Variants in GABRG3 observed in about 807,000 individuals in gnomAD.
The protein encoded by GABRG3 is gamma-aminobutyric acid receptor subunit gamma-3.
GABRG3 carries 25 observed loss-of-function variants against 48.8 expected under a neutral mutation model. That is an observed-to-expected ratio of 0.51 (90% CI 0.37 to 0.72). The LOEUF (loss-of-function observed/expected upper bound fraction) is 0.72, where lower values mean the gene tolerates loss of function less well. Ranked by LOEUF, GABRG3 falls within the 30% of genes least tolerant of loss-of-function variation. The pLI is 0.00. For synonymous variants in GABRG3, 227 were observed against 217.6 expected (o/e 1.04, Z -0.38); for missense variants, 394 against 577.9 (o/e 0.68, Z 3.26).
At chr15:27,513,442 T>G (rs1426569913) in intron 6 of GABRG3, among the ~76,000 whole-genome samples, 1 of 147,346 alleles carries the variant, frequency 6.8e-6, no homozygotes, top group Non-Finnish European at 1.5e-5. Flanking sequence ...AGAGTAAGAC[T>G]CCGTCTCAAA....
chr15:27,072,400 C>T (rs1032931551), intron 3 of GABRG3, among the ~76,000 whole-genome samples: 2 of 151,894 alleles, frequency 1.3e-5, no homozygotes, highest in African/African-American at 4.8e-5. Flanking sequence ...TCCTTCATTC[C>T]TAACCACCCA....
intron 7 of GABRG3, among the ~76,000 whole-genome samples, chr15:27,526,632 A>C (rs952281707): frequency 3.9e-5 from 6 of 152,064 alleles, no homozygotes; most frequent in African/African-American, 1.2e-4. Flanking sequence ...CTTCTAAGCT[A>C]TCCATCTCGT....
rs1344878013 is a variant in GABRG3, at chr15:27,313,179, C to CGT, written c.271-13630_271-13629insGT. On this transcript the variant is annotated intron_variant, in intron 3 of 9. Transcript: ENST00000615808. ...GATAAAAGAGTCAATTCAGCAGAAA[C>CGT]ATATATATATATATGTGTATATATA... Among the ~76,000 whole-genome samples the CGT allele has an allele frequency of 7.9e-4, 105 of 132,162 alleles. 3 individuals are homozygous for CGT. The highest frequency in any genetic ancestry group is 5.6e-3 in the South Asian group (23 of 4,076). 86.7% of individuals were successfully genotyped at this position (132,162 alleles called of 152,430 possible).
At chr15:27,292,619 A>C (rs1891833026) in intron 3 of GABRG3, among the ~76,000 whole-genome samples, 1 of 152,208 alleles carries the variant, frequency 6.6e-6, no homozygotes, top group Admixed American at 6.5e-5. Context: ...AACTTTCTCT[A>C]TTCAAATAAA....
chr15:27,307,214 T>C (rs1450182650), intron 3 of GABRG3, among the ~76,000 whole-genome samples: 1 of 138,310 alleles, frequency 7.2e-6, no homozygotes, highest in Non-Finnish European at 1.6e-5. Context: ...AACATGTTTA[T>C]ATATAACCAT....
chr15:27,479,357 G>A (rs4778108), intron 5 of GABRG3, among the ~76,000 whole-genome samples: 1 of 152,004 alleles, frequency 6.6e-6, no homozygotes, highest in African/African-American at 2.4e-5. Context: ...CTTGAGCTTA[G>A]CATTTTCAAG....
chr15:27,413,381 A>G (rs933585431), intron 5 of GABRG3, among the ~76,000 whole-genome samples: 7 of 151,112 alleles, frequency 4.6e-5, no homozygotes, highest in Non-Finnish European at 1.0e-4. Flanking sequence ...AACAAACTTC[A>G]CTAGAATTAG....
At chr15:27,024,311 T>C (rs571222091) in intron 2 of GABRG3, among the ~76,000 whole-genome samples, 1 of 152,226 alleles carries the variant, frequency 6.6e-6, no homozygotes, top group African/African-American at 2.4e-5. Flanking sequence ...AATTTTGTTA[T>C]AGTCAAATTC....
chr15:27,020,750 AATG>A (rs1438173966), intron 2 of GABRG3, among the ~76,000 whole-genome samples: 5 of 151,958 alleles, frequency 3.3e-5, no homozygotes, highest in African/African-American at 1.2e-4. Flanking sequence ...TTTTTGAATG[AATG>A]TTCATGGTTT....
In GABRG3 at chr15:27,043,973, C is replaced by A. The variant is rs1365215246; in HGVS notation, c.270+17152C>A. ...TCGGGCTGAGAGTCTCAACTCCTCC[C>A]TGGCCTTTGCCTGGCCTGGCTCAGT... On this transcript the variant is annotated intron_variant, in intron 3 of 9. Coordinates refer to ENST00000615808, the MANE Select transcript of GABRG3 (RefSeq NM_033223.5). 2.6e-5 allele frequency among the ~76,000 whole-genome samples: 4 copies of A among 152,216 alleles called. No individual in the cohort carries two copies. In the East Asian group the frequency reaches 7.7e-4, roughly 29 times the overall value.
At chr15:27,485,655 A>C (rs1399652251) in intron 6 of GABRG3, among the ~76,000 whole-genome samples, 1 of 152,184 alleles carries the variant, frequency 6.6e-6, no homozygotes, top group African/African-American at 2.4e-5. Flanking sequence ...GAAGGATAAT[A>C]AATTTTTTTA....
intron 3 of GABRG3, among the ~76,000 whole-genome samples, chr15:27,037,295 G>A (rs142186930): frequency 1.0e-3 from 156 of 152,280 alleles, no homozygotes; most frequent in African/African-American, 3.2e-3. Flanking sequence ...CCTACATTTC[G>A]CAGGTCCTGT....
intron 2 of GABRG3, among the ~76,000 whole-genome samples, chr15:26,977,677 G>A (rs12902711): frequency 0.71 from 108,528 of 152,110 alleles, 40,128 homozygotes; most frequent in East Asian, 1. Context: ...ACTGCTGAAT[G>A]GTTGTTCATG....
intron 3 of GABRG3, among the ~76,000 whole-genome samples, chr15:27,248,571 A>G (rs1426823339): frequency 6.6e-6 from 1 of 152,152 alleles, no homozygotes; most frequent in Non-Finnish European, 1.5e-5. Flanking sequence ...AGTATTTTCC[A>G]ACATCCCATA....
chr15:27,511,214 A>C (rs1464340282), intron 6 of GABRG3, among the ~76,000 whole-genome samples: 2 of 152,246 alleles, frequency 1.3e-5, no homozygotes, highest in Admixed American at 1.3e-4. Flanking sequence ...AATTATCTAC[A>C]ATTCTTTTGT....
At chr15:27,108,431 T>C (rs892752261) in intron 3 of GABRG3, among the ~76,000 whole-genome samples, 1 of 152,198 alleles carries the variant, frequency 6.6e-6, no homozygotes, top group African/African-American at 2.4e-5. Context: ...TCTGTTCTTG[T>C]AAGTGTGTTA....
chr15:26,972,814 G>A (rs994532468), intron 1 of GABRG3, among the ~76,000 whole-genome samples: 1 of 152,144 alleles, frequency 6.6e-6, no homozygotes, highest in African/African-American at 2.4e-5. Flanking sequence ...GGAAGCCCTG[G>A]CCCTCCCCCT....
intron 3 of GABRG3, among the ~76,000 whole-genome samples, chr15:27,279,341 T>C (rs1891359376): frequency 6.6e-6 from 1 of 152,220 alleles, no homozygotes; most frequent in Admixed American, 6.5e-5. Flanking sequence ...TTCACCTTGC[T>C]AAACATCTTG....
intron 2 of GABRG3, among the ~76,000 whole-genome samples, chr15:26,991,115 A>G (rs188200306): frequency 6.6e-6 from 1 of 152,264 alleles, no homozygotes; most frequent in Admixed American, 6.5e-5. Context: ...GATGGGGCCA[A>G]GTTTCATTCT....
Sources: gnomAD v4.1 joint callset for allele counts (sites outside exome capture counted in the v4.1 genomes callset) on GRCh38, gnomAD v4.1.1 for gene constraint, MANE v1.5 for transcripts, NCBI Gene and HGNC (gene_info 2026-07-23, HGNC 2026-07-21) for gene names.